Variants in PTPRQ observed in about 807,000 individuals in gnomAD.
PTPRQ encodes phosphatidylinositol phosphatase PTPRQ.
PTPRQ carries 199 observed loss-of-function variants against 246.0 expected under a neutral mutation model. That is an observed-to-expected ratio of 0.81 (90% CI 0.72 to 0.91). The LOEUF (loss-of-function observed/expected upper bound fraction) is 0.91, where lower values mean the gene tolerates loss of function less well. Among genes scored for constraint, PTPRQ ranks in the 40% least tolerant of loss-of-function variants. The probability of loss-of-function intolerance (pLI) is 0.00; values close to 1 mark genes in which losing one functional copy is unlikely to be tolerated. For synonymous variants in PTPRQ, 869 were observed against 853.2 expected, an observed-to-expected ratio of 1.02 and a Z score of -0.32; for missense variants, 2,624 against 2,528.4, an observed-to-expected ratio of 1.04 and a Z score of -0.81.
intron 27 of PTPRQ, among the ~76,000 whole-genome samples, chr12:80,609,282 T>C (rs1171538486): frequency 6.6e-6 from 1 of 150,616 alleles, no homozygotes; most frequent in African/African-American, 2.4e-5. Context: ...AATCAATGTG[T>C]GTTTCGCCAT....
At position 80,503,836 on chromosome 12, in the gene PTPRQ, G is replaced by A. The variant is rs956007232; in HGVS notation, c.2273-2188G>A. ...GCATTATCCCTCAATTTTTTTTATT[G>A]TCTGAATATGTTTTTAGTTTGCTAC... is the stretch of plus-strand genomic sequence containing the variant. On this transcript the variant is annotated intron_variant, in intron 14 of 44. Transcript: ENST00000644991. Among the ~76,000 whole-genome samples the A allele has an allele frequency of 3.3e-5, 5 of 151,432 alleles. No individual in the cohort carries two copies. In the East Asian group the frequency reaches 7.8e-4, roughly 24 times the overall value.
At chr12:80,568,687 A>G (rs1897050806) in intron 25 of PTPRQ, among the ~76,000 whole-genome samples, 1 of 152,210 alleles carries the variant, frequency 6.6e-6, no homozygotes, top group Admixed American at 6.5e-5. Flanking sequence ...TTTGTTAGCC[A>G]ATATGTGTCA....
rs183416331 is a variant in PTPRQ, at chr12:80,571,798, A to T, written c.4286-16331A>T. 5.8e-3 allele frequency among the ~76,000 whole-genome samples: 879 copies of T among 152,210 alleles called. 22 individuals are homozygous for T. The highest frequency in any genetic ancestry group is 4.4e-3 in the South Asian group (21 of 4,826). On this transcript the variant is annotated intron_variant, in intron 25 of 44. Transcript: ENST00000644991. ...TATTTATAATAAATAAACATAGGTC[A>T]TAATAAATTGATATAGGTCAATCAC...
chr12:80,525,909 A>C (rs566207944), intron 17 of PTPRQ: 5 of 152,124 alleles, frequency 3.3e-5, no homozygotes, highest in Non-Finnish European at 7.4e-5. Flanking sequence ...CTTGTTTAAT[A>C]AGGATCTTCC....
intron 43 of PTPRQ, among the ~76,000 whole-genome samples, chr12:80,676,799 G>T (rs921543174): frequency 6.6e-6 from 1 of 151,824 alleles, no homozygotes; most frequent in African/African-American, 2.4e-5. Context: ...TATAGGGGAA[G>T]AAAAAGAAAA....
chr12:80,565,558 G>T (rs371839891), intron 25 of PTPRQ, among the ~76,000 whole-genome samples: 3 of 152,002 alleles, frequency 2.0e-5, no homozygotes, highest in South Asian at 2.1e-4. Flanking sequence ...GCATGCAAAA[G>T]CCCTCTTCTT....
Position 80,620,414 on chromosome 12 carries a change from A to G in PTPRQ, c.5612+38A>G, listed in dbSNP as rs183061809. Reference sequence around the variant, plus strand: ...TATATCTACCATGCATTCTGTTAGCAAGCTAGTTAGTATCTTTCATCCATC... The same window carrying G: ...TATATCTACCATGCATTCTGTTAGCGAGCTAGTTAGTATCTTTCATCCATC... On this transcript the variant is annotated intron_variant, in intron 32 of 44. Coordinates refer to ENST00000644991, the MANE Select transcript of PTPRQ (RefSeq NM_001145026.2). 2.7e-5 allele frequency: 42 copies of G among 1,543,626 alleles called. 1 individual carries two copies. In the Admixed American group the frequency reaches 6.2e-4, roughly 23 times the overall value.
intron 4 of PTPRQ, among the ~76,000 whole-genome samples, chr12:80,457,895 C>A (rs988040221): frequency 6.6e-6 from 1 of 151,846 alleles, no homozygotes; most frequent in Admixed American, 6.6e-5. Context: ...GAAAATTATC[C>A]ATAGACTTAT....
At chr12:80,622,646 C>T (rs1242275465) in intron 33 of PTPRQ, among the ~76,000 whole-genome samples, 1 of 152,018 alleles carries the variant, frequency 6.6e-6, no homozygotes, top group Non-Finnish European at 1.5e-5. Context: ...ATTTAAGTGG[C>T]TAGGCCAGGA....
chr12:80,468,110 A>G (rs988928533), intron 6 of PTPRQ, among the ~76,000 whole-genome samples: 6 of 152,206 alleles, frequency 3.9e-5, no homozygotes, highest in Non-Finnish European at 8.8e-5. Flanking sequence ...GTTTTATTTC[A>G]ATTAAAAGAA....
At chr12:80,453,177 A>C (rs1170255218) in intron 3 of PTPRQ, among the ~76,000 whole-genome samples, 2 of 152,084 alleles carry the variant, frequency 1.3e-5, no homozygotes, top group East Asian at 1.9e-4. Flanking sequence ...AGGCTTCTGC[A>C]TTCTTCACGT....
intron 25 of PTPRQ, 69 bp downstream of exon 25, chr12:80,549,803 G>A (rs1896417882): frequency 1.4e-6 from 2 of 1,463,952 alleles, no homozygotes; most frequent in South Asian, 1.5e-5. Flanking sequence ...AATACCACCT[G>A]CAATCTTTAT....
At chr12:80,559,284 T>A (rs1484258805) in intron 25 of PTPRQ, among the ~76,000 whole-genome samples, 1 of 152,198 alleles carries the variant, frequency 6.6e-6, no homozygotes, top group Non-Finnish European at 1.5e-5. Flanking sequence ...GATTTCGTGA[T>A]CCGCCCACCT....
intron 27 of PTPRQ, among the ~76,000 whole-genome samples, chr12:80,608,848 C>G (rs1898436311): frequency 6.6e-6 from 1 of 150,444 alleles, no homozygotes; most frequent in African/African-American, 2.4e-5. Context: ...CAATAGTTAC[C>G]CATCTCTGCA....
rs1028009455 is a variant in PTPRQ at position 80,619,481 on chromosome 12, T to C, written c.5328T>C (p.Cys1776=). The change falls in exon 31 of 45, where the codon TGT becomes TGC. Residue 1776 remains cysteine (C), a synonymous_variant. Transcript: ENST00000644991. Reference sequence around the variant, plus strand: ...CAATTACAATCAGAATGCCAATATGTTACTACAGTGATGATCATGGACCAA... The same window carrying C: ...CAATTACAATCAGAATGCCAATATGCTACTACAGTGATGATCATGGACCAA... ...STTITIRMPI[C]YYSDDHGPIK... 3.9e-6 allele frequency: 6 copies of C among 1,547,628 alleles called. No individual in the cohort carries two copies. The Admixed American group carries it at 7.9e-5, about 20-fold the overall frequency.
intron 17 of PTPRQ, chr12:80,512,556 A>G (rs531655100): frequency 6.6e-6 from 1 of 152,330 alleles, no homozygotes; most frequent in Admixed American, 6.5e-5. Flanking sequence ...CCTCTTAAGA[A>G]TATAGCATGG....
At chr12:80,609,146 TC>T (rs1386692657) in intron 27 of PTPRQ, among the ~76,000 whole-genome samples, 1 of 150,622 alleles carries the variant, frequency 6.6e-6, no homozygotes, top group Non-Finnish European at 1.5e-5. Flanking sequence ...TTCTTTTTTT[TC>T]TTTTTTTATA....
At chr12:80,648,858 C>G (rs1372803354) in intron 35 of PTPRQ, 39 bp from the exon 36 acceptor site, 1 of 1,515,630 alleles carries the variant, frequency 6.6e-7, no homozygotes, top group African/African-American at 1.4e-5. Context: ...TAGCTGTCCA[C>G]TCTGACTCAC....
intron 27 of PTPRQ, among the ~76,000 whole-genome samples, chr12:80,609,582 T>A (rs1246567408): frequency 6.6e-6 from 1 of 150,580 alleles, no homozygotes; most frequent in Non-Finnish European, 1.5e-5. Context: ...AGAACCTCCA[T>A]AAAGGACAGA....
Sources: gnomAD v4.1 joint callset for allele counts (sites outside exome capture counted in the v4.1 genomes callset) on GRCh38, gnomAD v4.1.1 for gene constraint, MANE v1.5 for transcripts, NCBI Gene and HGNC (gene_info 2026-07-23, HGNC 2026-07-21) for gene names.